MGST3: variants seen among roughly 807,000 people sequenced by gnomAD.
MGST3 encodes the protein glutathione S-transferase 3, mitochondrial.
In MGST3, 13 loss-of-function variants were observed where a neutral mutation model predicts 15.8. That is an observed-to-expected ratio of 0.82 (90% CI 0.54 to 1.31). The LOEUF (loss-of-function observed/expected upper bound fraction) is 1.31. MGST3 is among the 50% of genes most tolerant of loss of function. The pLI, the probability that MGST3 is intolerant of heterozygous loss-of-function variation, is 0.00. For synonymous variants in MGST3, 49 were observed against 68.1 expected, an observed-to-expected ratio of 0.72 and a Z score of 1.38; for missense variants, 155 against 192.4, an observed-to-expected ratio of 0.81 and a Z score of 1.15.
intron 1 of MGST3, chr1:165,649,324 T>C: frequency 5.9e-6 from 1 of 169,102 alleles, no homozygotes; most frequent in South Asian, 1.4e-4. Context: ...GATGCTCGCT[T>C]TCTTGCTTTC....
chr1:165,654,302 G>C lies in MGST3; in HGVS notation c.273G>C (p.Leu91Phe), dbSNP rs761807810. 6.2e-7 allele frequency: 1 copy of C among 1,614,118 alleles called. No individual in the cohort carries two copies. Among genetic ancestry groups the C allele is most frequent in the Non-Finnish European group, 8.5e-7 (1 of 1,180,014 alleles). Reference sequence around the variant, plus strand: ...AGCGTATAGCTTCTGGCCTGGGCTTGGCCTGGATTGTTGGACGAGTTCTTT... The same window carrying C: ...AGCGTATAGCTTCTGGCCTGGGCTTCGCCTGGATTGTTGGACGAGTTCTTT... ...YHPRIASGLG[L>F]AWIVGRVLYA... is the part of the protein sequence containing the mutation. The change falls in exon 5 of 6, where the codon TTG (leucine) becomes TTC (phenylalanine). Residue 91 changes from leucine to phenylalanine, a missense_variant. By Grantham distance (22) the Leu-to-Phe change is conservative. Transcript: ENST00000367889.
intron 1 of MGST3, among the ~76,000 whole-genome samples, chr1:165,634,495 C>T (rs1557990069): frequency 6.6e-6 from 1 of 152,092 alleles, no homozygotes; most frequent in Non-Finnish European, 1.5e-5. Context: ...TACTTTTCTT[C>T]CTCTAGTCTA....
intron 4 of MGST3, among the ~76,000 whole-genome samples, chr1:165,652,441 G>A (rs1432705342): frequency 6.6e-6 from 1 of 151,322 alleles, no homozygotes; most frequent in Non-Finnish European, 1.5e-5. Context: ...CATAGAGCTT[G>A]CCTTTTTGTT....
intron 1 of MGST3, among the ~76,000 whole-genome samples, chr1:165,644,665 A>G (rs1013462220): frequency 4.6e-5 from 7 of 152,258 alleles, no homozygotes; most frequent in African/African-American, 1.7e-4. Context: ...CTTTTTTACT[A>G]TAATTTTTAA....
intron 5 of MGST3, among the ~76,000 whole-genome samples, chr1:165,655,094 G>C (rs1023245426): frequency 6.6e-6 from 1 of 152,130 alleles, no homozygotes; most frequent in African/African-American, 2.4e-5. Context: ...GTACTTCTTT[G>C]AAACAGAGGG....
At chr1:165,636,372 ATAT>A (rs1648113942) in intron 1 of MGST3, among the ~76,000 whole-genome samples, 2 of 152,128 alleles carry the variant, frequency 1.3e-5, no homozygotes, top group Admixed American at 6.5e-5. Context: ...TAGATATATA[ATAT>A]TGGATATATT....
Position 165,649,946 on chromosome 1 carries a change from C to G in MGST3, c.99C>G (p.Arg33=). Residue 33 remains arginine (R), a synonymous_variant, in exon 2 of 6, where the codon CGC becomes CGG. Coordinates refer to ENST00000367889, the MANE Select transcript of MGST3 (RefSeq NM_004528.4). ...TAGCCATCAATGTTTCCAAGGCCCG[C>G]AAGAAGTACAAAGTGGAGGTAAGTG... ...AHLAINVSKA[R]KKYKVEYPIM... The G allele has an allele frequency of 1.2e-6, 2 of 1,614,098 alleles. No individual in the cohort carries two copies. The highest frequency in any genetic ancestry group is 1.7e-6 in the Non-Finnish European group (2 of 1,180,032).
chr1:165,643,854 C>T (rs570132985), intron 1 of MGST3, among the ~76,000 whole-genome samples: 14 of 151,748 alleles, frequency 9.2e-5, no homozygotes, highest in Admixed American at 6.6e-4. Context: ...GGCGACAGAG[C>T]GAGACTGTCT....
At chr1:165,634,507 A>G (rs1240886135) in intron 1 of MGST3, among the ~76,000 whole-genome samples, 5 of 152,194 alleles carry the variant, frequency 3.3e-5, no homozygotes, top group South Asian at 2.1e-4. Context: ...TCTAGTCTAT[A>G]TCACTACCCT....
chr1:165,645,819 A>G (rs1448866141), intron 1 of MGST3: 2 of 152,252 alleles, frequency 1.3e-5, no homozygotes, highest in Non-Finnish European at 2.9e-5. Context: ...GAAGGTTTCA[A>G]TTCATAAATA....
rs17850026 is a variant in MGST3, at chr1:165,654,335, T to C, written c.306T>C (p.Tyr102=). ...TTGTTGGACGAGTTCTTTATGCTTATGGCTATTACACGGGAGGTTAGTATA... is the reference window on the plus strand; with the variant it reads ...TTGTTGGACGAGTTCTTTATGCTTACGGCTATTACACGGGAGGTTAGTATA... The part of the protein sequence containing the change: ...AWIVGRVLYA[Y]GYYTGEPSKR... Residue 102 remains tyrosine (Y), a synonymous_variant, in exon 5 of 6, where the codon TAT becomes TAC. Coordinates refer to ENST00000367889, the MANE Select transcript of MGST3 (RefSeq NM_004528.4). 6.2e-7 allele frequency: 1 copy of C among 1,614,144 alleles called. No individual in the cohort carries two copies. Among genetic ancestry groups the C allele is most frequent in the Non-Finnish European group, 8.5e-7 (1 of 1,179,968 alleles).
chr1:165,631,424 C>A (rs930984704), intron 1 of MGST3, 131 bp downstream of exon 1: 20 of 152,794 alleles, frequency 1.3e-4, no homozygotes, highest in African/African-American at 4.3e-4. Flanking sequence ...CCTCCCCCCA[C>A]CCTTATCAGT....
intron 1 of MGST3, chr1:165,632,112 T>G: frequency 1.3e-6 from 1 of 783,060 alleles, no homozygotes. Flanking sequence ...GAGTCACGAG[T>G]TTACAAGCTA....
Position 165,642,181 on chromosome 1 carries a change from G to A in MGST3, c.-7-7660G>A, listed in dbSNP as rs77778753. ...GCCTGTGTCCCCTGCTAGAAAATGA[G>A]TTTCATAAAGAACCAACCTCTGGCT... On this transcript the variant is annotated intron_variant, in intron 1 of 5. Coordinates refer to ENST00000367889, the MANE Select transcript of MGST3 (RefSeq NM_004528.4). 4.2e-3 allele frequency among the ~76,000 whole-genome samples: 635 copies of A among 152,332 alleles called. 4 individuals are homozygous for A. The highest frequency in any genetic ancestry group is 0.015 in the African/African-American group (617 of 41,556).
chr1:165,636,360 A>G (rs549649508), intron 1 of MGST3, among the ~76,000 whole-genome samples: 1 of 152,240 alleles, frequency 6.6e-6, no homozygotes, highest in South Asian at 2.1e-4. Context: ...CTTTGTTTCT[A>G]ATAGATATAT....
At chr1:165,650,445 G>A (rs927211731) in intron 2 of MGST3, 1 of 204,846 alleles carries the variant, frequency 4.9e-6, no homozygotes, top group African/African-American at 2.3e-5. Flanking sequence ...TGATCTAGAA[G>A]GGATAATTAC....
intron 1 of MGST3, chr1:165,635,860 T>C (rs1462555646): frequency 6.6e-6 from 1 of 152,228 alleles, no homozygotes; most frequent in Non-Finnish European, 1.5e-5. Flanking sequence ...TGCTTGCTGC[T>C]ATTTGCCTTA....
chr1:165,640,924 T>G (rs1648246182), intron 1 of MGST3, among the ~76,000 whole-genome samples: 1 of 152,198 alleles, frequency 6.6e-6, no homozygotes, highest in Non-Finnish European at 1.5e-5. Flanking sequence ...GCCAGGTGCC[T>G]GTAATCCTAG....
intron 1 of MGST3, among the ~76,000 whole-genome samples, chr1:165,642,982 C>G (rs1648300934): frequency 6.6e-6 from 1 of 152,088 alleles, no homozygotes; most frequent in South Asian, 2.1e-4. Context: ...TCAAGCCACT[C>G]TAAGTTTTTT....
Sources: gnomAD v4.1 joint callset for allele counts (sites outside exome capture counted in the v4.1 genomes callset) on GRCh38, gnomAD v4.1.1 for gene constraint, MANE v1.5 for transcripts, NCBI Gene and HGNC (gene_info 2026-07-23, HGNC 2026-07-21) for gene names.